Variants in CRTAP observed in about 807,000 individuals in gnomAD.
The protein encoded by CRTAP is cartilage associated protein, also known as cartilage-associated protein.
A neutral mutation model predicts 42.7 loss-of-function variants in CRTAP; 33 were observed. The observed-to-expected ratio is 0.77, with a 90% CI of 0.59 to 1.03. The LOEUF (loss-of-function observed/expected upper bound fraction) is 1.03, where lower values mean the gene tolerates loss of function less well. Among genes scored for constraint, CRTAP ranks in the 50% least tolerant of loss-of-function variants. CRTAP has a pLI of 0.00. For synonymous variants in CRTAP, 243 were observed against 217.7 expected, an observed-to-expected ratio of 1.12 and a Z score of -1.02; for missense variants, 613 against 533.9, an observed-to-expected ratio of 1.15 and a Z score of -1.46.
intron 1 of CRTAP, among the ~76,000 whole-genome samples, chr3:33,116,048 T>G (rs762978192): frequency 6.6e-6 from 1 of 152,224 alleles, no homozygotes; most frequent in Non-Finnish European, 1.5e-5. Context: ...CTAATTCTTT[T>G]TTTGTATAGC....
Position 33,132,537 on chromosome 3 carries a change from T to G in CRTAP, c.923-18T>G. 2 of 1,613,632 alleles carry G rather than the reference T, an allele frequency of 1.2e-6. No homozygotes were observed. The highest frequency in any genetic ancestry group is 1.3e-5 in the African/African-American group (1 of 75,052). On this transcript the variant is annotated intron_variant, in intron 4 of 6. Coordinates refer to ENST00000320954, the MANE Select transcript of CRTAP (RefSeq NM_006371.5). ...TGGTTTGCTGATTTCTTCATTTGTC[T>G]TTTCTTCCCAACCCTAGTGAACGAC... is the stretch of plus-strand genomic sequence containing the variant.
At chr3:33,132,524 T>G (rs780660572) in intron 4 of CRTAP, 31 bp from the exon 5 acceptor site, 18 of 1,613,308 alleles carry the variant, frequency 1.1e-5, no homozygotes, top group Non-Finnish European at 1.4e-5. Context: ...GTTTGCTGAT[T>G]TCTTCATTTG....
rs192071266 is a variant in CRTAP at position 33,146,675 on chromosome 3, G to A, written c.*4227G>A. Reference sequence around the variant, plus strand: ...ACAAGGGCTGCCTTAGGAAGGAAATGTGTGCTTTCAGGAGTTCTTATTAGG... The same window carrying A: ...ACAAGGGCTGCCTTAGGAAGGAAATATGTGCTTTCAGGAGTTCTTATTAGG... On this transcript the variant is annotated 3_prime_UTR_variant, in exon 7 of 7. Coordinates refer to ENST00000320954, the MANE Select transcript of CRTAP (RefSeq NM_006371.5). 1 of 152,198 alleles carries A rather than the reference G, an allele frequency of 6.6e-6. No homozygotes were observed. The highest frequency in any genetic ancestry group is 2.4e-5 in the African/African-American group (1 of 41,450). 9.4% of individuals were successfully genotyped at this position (152,198 alleles called of 1,614,324 possible). A position where few individuals can be genotyped will look rare whatever the true frequency, so the allele number is the denominator to read the frequency against.
At chr3:33,141,260 A>G (rs928504976) in intron 6 of CRTAP, among the ~76,000 whole-genome samples, 1 of 152,216 alleles carries the variant, frequency 6.6e-6, no homozygotes, top group Non-Finnish European at 1.5e-5. Context: ...ACAGACACAC[A>G]GCAGGATATA....
chr3:33,122,099 A>G (rs1049309018), intron 2 of CRTAP, among the ~76,000 whole-genome samples: 2 of 152,080 alleles, frequency 1.3e-5, no homozygotes, highest in African/African-American at 4.8e-5. Flanking sequence ...TATGCCTTTC[A>G]TAGTCTTCAC....
In CRTAP at chr3:33,114,321, G is replaced by GC; in HGVS notation, c.246dup (p.Phe83LeufsTer78). The GC allele has an allele frequency of 6.5e-7, 1 of 1,544,634 alleles. No homozygotes were observed. ...GCACCGCTTGCTGCGCGACAGCGAG[G>GC]CCTTCTGCCACCGCAACTGCAGCGC... On this transcript the variant is annotated frameshift_variant, in exon 1 of 7. Coordinates refer to ENST00000320954, the MANE Select transcript of CRTAP (RefSeq NM_006371.5). LOFTEE classifies it high-confidence loss of function.
intron 6 of CRTAP, among the ~76,000 whole-genome samples, chr3:33,141,781 A>C (rs961878832): frequency 6.6e-6 from 1 of 152,204 alleles, no homozygotes; most frequent in Non-Finnish European, 1.5e-5. Flanking sequence ...TTGAAGTATA[A>C]GGCTGATTGC....
At chr3:33,128,042 C>T (rs761301506) in intron 3 of CRTAP, among the ~76,000 whole-genome samples, 1 of 152,180 alleles carries the variant, frequency 6.6e-6, no homozygotes, top group Non-Finnish European at 1.5e-5. Context: ...GCCACCGCAC[C>T]CAGCTCTGTA....
At chr3:33,130,525 C>CTTTTTTT (rs765558103) in intron 4 of CRTAP, among the ~76,000 whole-genome samples, 48 of 55,270 alleles carry the variant, frequency 8.7e-4, no homozygotes, top group Non-Finnish European at 1.1e-3. Context: ...CTTTTCTTTT[C>CTTTTTTT]TTTTTTTTTT....
In CRTAP at chr3:33,132,700, T is replaced by C; in HGVS notation, c.1068T>C (p.Pro356=). Residue 356 remains proline (P), a splice_region_variant and synonymous_variant, in exon 5 of 7, where the codon CCT becomes CCC. Transcript: ENST00000320954. ...CGGATGAGCACTTCCAGCCCAGACCTGTAAGTCTGGTGCACCACACCTTCC... is the reference window on the plus strand; with the variant it reads ...CGGATGAGCACTTCCAGCCCAGACCCGTAAGTCTGGTGCACCACACCTTCC... ...GLSDEHFQPR[P]EAVQFFNVTT... is the part of the protein sequence containing the mutation. The C allele has an allele frequency of 1.9e-6, 3 of 1,613,750 alleles. No individual in the cohort carries two copies. The highest frequency in any genetic ancestry group is 1.7e-6 in the Non-Finnish European group (2 of 1,179,836).
rs1167649503 is a variant in CRTAP, at chr3:33,147,400, A to ATCCT, written c.*4954_*4957dup. On this transcript the variant is annotated 3_prime_UTR_variant, in exon 7 of 7. Transcript: ENST00000320954. ...AGGGCCGGCTCGTGAACAGCCACAT[A>ATCCT]TCCTTGCACCTGACACTGTCCCCAC... The ATCCT allele has an allele frequency of 1.3e-5, 2 of 152,672 alleles. No homozygotes were observed. Among genetic ancestry groups the ATCCT allele is most frequent in the African/African-American group, 4.8e-5 (2 of 41,468 alleles). The allele number at this position is 152,672 out of a possible 1,614,324, so 9.5% of individuals were successfully genotyped here.
intron 3 of CRTAP, among the ~76,000 whole-genome samples, chr3:33,128,511 GTCC>G (rs2030143935): frequency 6.6e-6 from 1 of 152,140 alleles, no homozygotes. Flanking sequence ...CTATATAAAT[GTCC>G]TCCTCAGGAT....
intron 2 of CRTAP, among the ~76,000 whole-genome samples, chr3:33,122,077 A>G (rs2029886710): frequency 6.6e-6 from 1 of 152,128 alleles, no homozygotes; most frequent in African/African-American, 2.4e-5. Flanking sequence ...CCATTCTCCC[A>G]TAAAAGCAAT....
intron 2 of CRTAP, 28 bp downstream of exon 2, chr3:33,120,521 A>C (rs1320435746): frequency 2.5e-6 from 4 of 1,581,238 alleles, no homozygotes; most frequent in Middle Eastern, 1.7e-4. Flanking sequence ...TGTGGCAGTT[A>C]GTGGCAACCT....
rs1237951051 is a variant in CRTAP, at chr3:33,114,408, G to C, written c.331G>C (p.Gly111Arg). Reference sequence around the variant, plus strand: ...CTATCCCGAGCTGCGCCTCTTCGGGGGCCTGCTGCGCCGCGCGCACTGCCT... The same window carrying C: ...CTATCCCGAGCTGCGCCTCTTCGGGCGCCTGCTGCGCCGCGCGCACTGCCT... ...ASYPELRLFG[G>R]LLRRAHCLKR... The change falls in exon 1 of 7, where the codon GGC becomes CGC. Residue 111 changes from glycine (G) to arginine (R), a missense_variant. Transcript: ENST00000320954. 2 of 1,543,142 alleles carry C rather than the reference G, an allele frequency of 1.3e-6. No individual in the cohort carries two copies.
intron 3 of CRTAP, among the ~76,000 whole-genome samples, chr3:33,125,491 GT>G (rs60498778): frequency 0.014 from 425 of 30,102 alleles, no homozygotes; most frequent in South Asian, 0.049. Context: ...TACAAAGTAG[GT>G]TTTTTTTTTT....
At chr3:33,129,747 A>G (rs1413603746) in intron 3 of CRTAP, among the ~76,000 whole-genome samples, 192 bp from the exon 4 acceptor site, 1 of 151,942 alleles carries the variant, frequency 6.6e-6, no homozygotes, top group Non-Finnish European at 1.5e-5. Context: ...TGTGTTAACC[A>G]GGATGGTCTC....
chr3:33,130,525 CTTTTTTTTTTTTT>C (rs765558103), intron 4 of CRTAP, among the ~76,000 whole-genome samples: 4 of 55,270 alleles, frequency 7.2e-5, no homozygotes, highest in African/African-American at 1.6e-4. Flanking sequence ...CTTTTCTTTT[CTTTTTTTTTTTTT>C]TTTTTTTTTT....
chr3:33,130,128 GA>G, intron 4 of CRTAP, 61 bp downstream of exon 4: 1 of 1,523,912 alleles, frequency 6.6e-7, no homozygotes, highest in Non-Finnish European at 9.1e-7. Flanking sequence ...CTGTAAAATA[GA>G]GGTAATAACT....
Sources: allele counts gnomAD v4.1 joint callset (sites outside exome capture counted in the v4.1 genomes callset), GRCh38; gene constraint gnomAD v4.1.1; transcripts MANE v1.5; gene names NCBI Gene and HGNC (gene_info 2026-07-23, HGNC 2026-07-21).